KAZN: variants seen among roughly 807,000 people sequenced by gnomAD.
The protein encoded by KAZN is kazrin.
KAZN carries 40 observed loss-of-function variants against 87.4 expected under a neutral mutation model. The ratio of observed to expected loss-of-function variants is 0.46; its 90% CI spans 0.36 to 0.60. The LOEUF is 0.60. KAZN is among the 20% of genes least tolerant of loss of function. The pLI is 0.00. For synonymous variants in KAZN, 466 were observed against 458.3 expected, an observed-to-expected ratio of 1.02 and a Z score of -0.22; for missense variants, 898 against 1,073.9, an observed-to-expected ratio of 0.84 and a Z score of 2.29.
At chr1:14,406,360 T>TA (rs1456012365) in intron 2 of KAZN, among the ~76,000 whole-genome samples, 2 of 152,016 alleles carry the variant, frequency 1.3e-5, no homozygotes, top group Admixed American at 6.6e-5. Flanking sequence ...TACTCAGCCA[T>TA]AAAAAAAGAA....
intron 3 of KAZN, among the ~76,000 whole-genome samples, chr1:15,035,157 G>A (rs929206760): frequency 2.6e-5 from 4 of 152,116 alleles, no homozygotes; most frequent in African/African-American, 7.2e-5. Flanking sequence ...CGCAGGTCTC[G>A]CTTGACCTCT....
intron 2 of KAZN, among the ~76,000 whole-genome samples, chr1:14,329,446 A>C (rs1269865989): frequency 6.6e-6 from 1 of 152,210 alleles, no homozygotes; most frequent in Admixed American, 6.5e-5. Flanking sequence ...AACAATGAGA[A>C]ATATCCACTA....
At chr1:14,708,384 C>T (rs1642320464) in intron 1 of KAZN, among the ~76,000 whole-genome samples, 1 of 152,176 alleles carries the variant, frequency 6.6e-6, no homozygotes, top group African/African-American at 2.4e-5. Context: ...TAATCCTCGC[C>T]AAGGAGCCGA....
At chr1:14,318,655 A>G (rs1655822126) in intron 2 of KAZN, among the ~76,000 whole-genome samples, 1 of 151,808 alleles carries the variant, frequency 6.6e-6, no homozygotes, top group Admixed American at 6.6e-5. Flanking sequence ...CCTTTTTGCA[A>G]ACTTCTATAA....
chr1:14,800,418 T>C (rs1480605012), intron 1 of KAZN, among the ~76,000 whole-genome samples: 1 of 152,154 alleles, frequency 6.6e-6, no homozygotes, highest in African/African-American at 2.4e-5. Context: ...AATGAAGTAA[T>C]TGCCAGACAC....
intron 1 of KAZN, among the ~76,000 whole-genome samples, chr1:14,825,285 C>T (rs1054683550): frequency 6.6e-6 from 1 of 152,238 alleles, no homozygotes; most frequent in African/African-American, 2.4e-5. Context: ...TTCTGTGGCT[C>T]CACCTGGAAG....
chr1:14,699,498 A>G (rs1307139388), intron 1 of KAZN, among the ~76,000 whole-genome samples: 4 of 152,220 alleles, frequency 2.6e-5, no homozygotes, highest in Admixed American at 2.6e-4. Context: ...GCTCTCTCAG[A>G]GGCTACAGTG....
At chr1:13,952,334 GATA>G (rs35005409) in intron 1 of KAZN, among the ~76,000 whole-genome samples, 27,456 of 142,724 alleles carry the variant, frequency 0.19, 2,739 homozygotes, top group African/African-American at 0.22. Flanking sequence ...ATAAAATGGA[GATA>G]ATAATAATAA....
At chr1:14,455,502 G>C (rs555857369) in intron 2 of KAZN, among the ~76,000 whole-genome samples, 1 of 152,210 alleles carries the variant, frequency 6.6e-6, no homozygotes, top group Non-Finnish European at 1.5e-5. Flanking sequence ...TGTTTGCAAA[G>C]AGGCTTTGAG....
intron 1 of KAZN, among the ~76,000 whole-genome samples, chr1:14,868,927 G>A (rs905270926): frequency 3.3e-5 from 5 of 152,146 alleles, no homozygotes; most frequent in Non-Finnish European, 5.9e-5. Flanking sequence ...GGGTTGGCGG[G>A]GGGGTGCATC....
chr1:14,054,642 A>G (rs1642475852), intron 1 of KAZN, among the ~76,000 whole-genome samples: 1 of 152,238 alleles, frequency 6.6e-6, no homozygotes, highest in African/African-American at 2.4e-5. Context: ...GGAAAATGAT[A>G]CATTAAGATA....
chr1:14,013,321 A>T (rs1307320642), intron 1 of KAZN, among the ~76,000 whole-genome samples: 1 of 152,198 alleles, frequency 6.6e-6, no homozygotes, highest in African/African-American at 2.4e-5. Flanking sequence ...TTGTTCCTCG[A>T]TCTAGGTTTT....
At chr1:14,249,173 C>T (rs963641096) in intron 2 of KAZN, among the ~76,000 whole-genome samples, 1 of 152,154 alleles carries the variant, frequency 6.6e-6, no homozygotes, top group African/African-American at 2.4e-5. Context: ...CCATGAGCAC[C>T]ATGCAGCAGT....
At chr1:13,937,280 G>A (rs1640777265) in intron 1 of KAZN, among the ~76,000 whole-genome samples, 1 of 152,114 alleles carries the variant, frequency 6.6e-6, no homozygotes, top group Admixed American at 6.5e-5. Context: ...TCCCGACCTC[G>A]TGATCCGCCT....
intron 12 of KAZN, 70 bp downstream of exon 12, chr1:15,103,530 T>A: frequency 1.1e-6 from 1 of 926,160 alleles, no homozygotes; most frequent in Non-Finnish European, 1.7e-6. Context: ...TATATGCAAA[T>A]CAATATGCAA....
chr1:14,983,523 G>GGGAAGTCTAGTTGCAT, intron 2 of KAZN, among the ~76,000 whole-genome samples: 1 of 152,058 alleles, frequency 6.6e-6, no homozygotes, highest in East Asian at 1.9e-4. Flanking sequence ...CCCCTGTGGG[G>GGGAAGTCTAGTTGCAT]GGAGCAAAAT....
intron 2 of KAZN, among the ~76,000 whole-genome samples, chr1:14,512,475 C>T (rs376787853): frequency 6.6e-6 from 1 of 150,912 alleles, no homozygotes; most frequent in East Asian, 2.0e-4. Context: ...GCAGAGCCCC[C>T]CCACCCCCAC....
At chr1:13,983,767 T>C (rs1478307127) in intron 1 of KAZN, among the ~76,000 whole-genome samples, 1 of 152,262 alleles carries the variant, frequency 6.6e-6, no homozygotes, top group African/African-American at 2.4e-5. Context: ...CTGAGGATGC[T>C]CATTGATTAT....
intron 1 of KAZN, among the ~76,000 whole-genome samples, chr1:14,651,173 C>T (rs1638341754): frequency 6.6e-6 from 1 of 152,246 alleles, no homozygotes; most frequent in Admixed American, 6.5e-5. Context: ...TCATTTTCAA[C>T]TTGCCATGCT....
Sources: allele counts gnomAD v4.1 joint callset (sites outside exome capture counted in the v4.1 genomes callset), GRCh38; gene constraint gnomAD v4.1.1; transcripts MANE v1.5; gene names NCBI Gene and HGNC (gene_info 2026-07-23, HGNC 2026-07-21).